PIEZO2: variants seen among roughly 807,000 people sequenced by gnomAD.
PIEZO2 encodes piezo type mechanosensitive ion channel component 2.
PIEZO2 carries 172 observed loss-of-function variants against 337.3 expected under a neutral mutation model. The observed-to-expected ratio is 0.51, with a 90% confidence interval of 0.45 to 0.58. The LOEUF is 0.58. Ranked by LOEUF, PIEZO2 falls within the 20% of genes least tolerant of loss-of-function variation. The pLI, the probability that PIEZO2 is intolerant of heterozygous loss-of-function variation, is 0.00. For missense variants in PIEZO2, 3,028 were observed against 3,391.3 expected, an observed-to-expected ratio of 0.89 and a Z score of 2.66; for synonymous variants, 1,251 against 1,228.5, an observed-to-expected ratio of 1.02 and a Z score of -0.38.
At chr18:11,141,074 C>CCTACATCTTGA (rs760218657) in intron 1 of PIEZO2, among the ~76,000 whole-genome samples, 18 of 152,190 alleles carry the variant, frequency 1.2e-4, no homozygotes. Flanking sequence ...GCTCCAATCA[C>CCTACATCTTGA]CTACATCTTG....
At position 10,682,388 on chromosome 18, in the gene PIEZO2, C is replaced by CTCTTCCTG; in HGVS notation, c.7498-97_7498-96insCAGGAAGA. On this transcript the variant is annotated intron_variant, in intron 49 of 55. Coordinates refer to ENST00000674853, the MANE Select transcript of PIEZO2 (RefSeq NM_001378183.1). The surrounding 1 kb of genome is among the most constrained non-coding windows in gnomAD (Gnocchi z 5.6). ...GAGAGCGAGTGCTCTTCCTGTGGTG[C>CTCTTCCTG]TGGGAACATGGATTTGGCCCTGAAT... 9.0e-7 allele frequency: 1 copy of CTCTTCCTG among 1,105,860 alleles called. No homozygotes were observed. Among genetic ancestry groups the CTCTTCCTG allele is most frequent in the Admixed American group, 2.6e-5 (1 of 38,042 alleles). The allele number at this position is 1,105,860 out of a possible 1,614,324, so 68.5% of individuals were successfully genotyped here.
At chr18:10,761,388 C>G in intron 23 of PIEZO2, among the ~76,000 whole-genome samples, 1 of 152,094 alleles carries the variant, frequency 6.6e-6, no homozygotes, top group East Asian at 1.9e-4. Flanking sequence ...CATCTCACAC[C>G]AAGGAAGCAA....
chr18:10,874,915 A>C (rs1403079532), intron 4 of PIEZO2, among the ~76,000 whole-genome samples: 1 of 152,192 alleles, frequency 6.6e-6, no homozygotes, highest in Non-Finnish European at 1.5e-5. Context: ...TAGGATGACT[A>C]TATTATTAAT....
chr18:11,100,689 G>C (rs545486849), intron 1 of PIEZO2, among the ~76,000 whole-genome samples: 48 of 152,172 alleles, frequency 3.2e-4, no homozygotes, highest in Non-Finnish European at 5.0e-4. Context: ...TCCGCCTCCC[G>C]GGTTCACGCC....
Position 10,841,216 on chromosome 18 carries a change from A to G in PIEZO2, c.917+14137T>C, listed in dbSNP as rs558193563. On this transcript the variant is annotated intron_variant, in intron 7 of 55. Transcript: ENST00000674853. Reference sequence around the variant, plus strand: ...GGCAATGGAGAGCTCAATCTTTGAGATATATCAGAGTAGATCTCAATCTTT... The same window carrying G: ...GGCAATGGAGAGCTCAATCTTTGAGGTATATCAGAGTAGATCTCAATCTTT... Among the ~76,000 whole-genome samples the G allele has an allele frequency of 6.6e-5, 10 of 152,290 alleles. No individual in the cohort carries two copies. In the East Asian group the frequency reaches 1.5e-3, roughly 24 times the overall value.
intron 4 of PIEZO2, among the ~76,000 whole-genome samples, chr18:10,904,695 AG>A (rs2043132521): frequency 6.6e-6 from 1 of 152,276 alleles, no homozygotes; most frequent in Non-Finnish European, 1.5e-5. Flanking sequence ...CCTGGATCCC[AG>A]GATGGAGCAG....
Position 10,814,124 on chromosome 18 carries a change from C to T in PIEZO2, c.918-6850G>A, listed in dbSNP as rs555318981. Among the ~76,000 whole-genome samples, 13 of 152,018 alleles carry T rather than the reference C, an allele frequency of 8.6e-5. No homozygotes were observed. In the South Asian group the frequency reaches 1.5e-3, roughly 17 times the overall value. On this transcript the variant is annotated intron_variant, in intron 7 of 55. Coordinates refer to ENST00000674853, the MANE Select transcript of PIEZO2 (RefSeq NM_001378183.1). ...CTGGGACTACAGGCGCCCACCACCA[C>T]GCCCAGCTAATTTTTTGTATTTTTT... is the stretch of plus-strand genomic sequence containing the variant.
intron 2 of PIEZO2, among the ~76,000 whole-genome samples, chr18:11,042,291 G>A (rs1048765559): frequency 6.6e-6 from 1 of 152,186 alleles, no homozygotes; most frequent in Non-Finnish European, 1.5e-5. Flanking sequence ...GCTATGAGGA[G>A]CCAGGAGCAG....
In PIEZO2 at chr18:10,704,426, G is replaced by A. The variant is rs771545517; in HGVS notation, c.6226C>T (p.Arg2076Trp). The change falls in exon 42 of 56, where the codon CGG (arginine) becomes TGG (tryptophan). Residue 2076 changes from arginine (R) to tryptophan (W), a missense_variant. Arg to Trp is a moderately radical substitution (Grantham distance 101). This residue lies in a region of PIEZO2 where 1,925 missense variants were observed against 2,051.9 expected (regional missense o/e 0.94). Transcript: ENST00000674853. ...TAGACGATGGCCATCATCCAGAACC[G>A]GCGGCTGGGCCTGGGGACGGACAAC... The part of the protein sequence containing the change: ...AMLSVPRPSR[R>W]FWMMAIVYTE... The A allele has an allele frequency of 6.6e-5, 102 of 1,537,080 alleles. No individual in the cohort carries two copies. Among genetic ancestry groups the A allele is most frequent in the East Asian group, 9.8e-5 (4 of 40,914 alleles).
chr18:11,039,274 T>A (rs1183490364), intron 2 of PIEZO2, among the ~76,000 whole-genome samples: 4 of 152,218 alleles, frequency 2.6e-5, no homozygotes, highest in Admixed American at 2.6e-4. Context: ...GCATTGACTT[T>A]AATTTTGCAG....
rs1435899114 is a variant in PIEZO2, at chr18:11,143,801, C to T, written c.64+4724G>A. Among the ~76,000 whole-genome samples, 2 of 152,204 alleles carry T rather than the reference C, an allele frequency of 1.3e-5. No homozygotes were observed. Among genetic ancestry groups the T allele is most frequent in the Non-Finnish European group, 1.5e-5 (1 of 68,036 alleles). Reference sequence around the variant, plus strand: ...CCTAGTCTGTTAATTTTGACTGAGACATCGCCTGAGCATTCTGCTCTCTGC... The same window carrying T: ...CCTAGTCTGTTAATTTTGACTGAGATATCGCCTGAGCATTCTGCTCTCTGC... On this transcript the variant is annotated intron_variant, in intron 1 of 55. Transcript: ENST00000674853. This position sits in a 1 kb window ranked among gnomAD's most constrained non-coding sequence, Gnocchi z 4.9.
chr18:10,741,729 A>G lies in PIEZO2; in HGVS notation c.4637-627T>C, dbSNP rs191268787. Reference sequence around the variant, plus strand: ...GTAAGTTTCATTTGAGCAGGCAACGATTGAATGATATTTTAGGTACCAATG... The same window carrying G: ...GTAAGTTTCATTTGAGCAGGCAACGGTTGAATGATATTTTAGGTACCAATG... On this transcript the variant is annotated intron_variant, in intron 32 of 55. Transcript: ENST00000674853. 3.3e-3 allele frequency among the ~76,000 whole-genome samples: 501 copies of G among 152,352 alleles called. 1 individual carries two copies. Among genetic ancestry groups the G allele is most frequent in the Non-Finnish European group, 5.4e-3 (366 of 68,032 alleles).
intron 1 of PIEZO2, among the ~76,000 whole-genome samples, chr18:11,074,332 T>C (rs2038453383): frequency 6.6e-6 from 1 of 152,222 alleles, no homozygotes; most frequent in Non-Finnish European, 1.5e-5. Context: ...AATGTTACCG[T>C]TGACAGAACA....
intron 36 of PIEZO2, among the ~76,000 whole-genome samples, chr18:10,719,035 A>C (rs1378079400): frequency 4.0e-5 from 6 of 151,574 alleles, no homozygotes; most frequent in Non-Finnish European, 1.5e-5. Flanking sequence ...ATTTGCTATG[A>C]GGTTCTTTAT....
In PIEZO2 at chr18:10,672,181, C is replaced by T. The variant is rs1381805828; in HGVS notation, c.8346-402G>A. On this transcript the variant is annotated intron_variant, in intron 55 of 55. Transcript: ENST00000674853. The surrounding 1 kb of genome is among the most constrained non-coding windows in gnomAD (Gnocchi z 4.7). ...TCCTTTCCTTTTAGCAATACTGTCT[C>T]TCAGATTAATTTTTATAAAATTCTG... is the stretch of plus-strand genomic sequence containing the variant. Among the ~76,000 whole-genome samples the T allele has an allele frequency of 2.6e-5, 4 of 152,132 alleles. No individual in the cohort carries two copies. Among genetic ancestry groups the T allele is most frequent in the Admixed American group, 6.5e-5 (1 of 15,276 alleles).
rs875957 is a variant in PIEZO2 at position 10,697,710 on chromosome 18, C to A, written c.6827+38G>T. 0.05 allele frequency: 80,290 copies of A among 1,601,892 alleles called. 5,788 individuals are homozygous for A. The highest frequency in any genetic ancestry group is 0.26 in the African/African-American group (19,253 of 74,068). ...GGAAATAATAAAGCCCAAAACCCTA[C>A]AATAAAGCACACATGCCATATGTTC... is the stretch of plus-strand genomic sequence containing the variant. On this transcript the variant is annotated intron_variant, in intron 45 of 55. Coordinates refer to ENST00000674853, the MANE Select transcript of PIEZO2 (RefSeq NM_001378183.1).
Position 11,010,909 on chromosome 18 carries a change from A to C in PIEZO2, c.161-31249T>G, listed in dbSNP as rs573689314. Among the ~76,000 whole-genome samples the C allele has an allele frequency of 4.6e-5, 7 of 152,358 alleles. No individual in the cohort carries two copies. In the South Asian group the frequency reaches 1.0e-3, roughly 23 times the overall value. On this transcript the variant is annotated intron_variant, in intron 2 of 55. Coordinates refer to ENST00000674853, the MANE Select transcript of PIEZO2 (RefSeq NM_001378183.1). ...TAGTGTATGCTTAACTTTCTAATGA[A>C]TCTACTGCCTTTCAGCTTCCTTGCT...
In PIEZO2 at chr18:11,024,858, C is replaced by G. The variant is rs1367447548; in HGVS notation, c.160+41269G>C. Among the ~76,000 whole-genome samples the G allele has an allele frequency of 4.0e-5, 6 of 151,532 alleles. No individual in the cohort carries two copies. The East Asian group carries it at 1.2e-3, about 30-fold the overall frequency. On this transcript the variant is annotated intron_variant, in intron 2 of 55. Transcript: ENST00000674853. ...TTCACCATGTTGACCAGGGGGGTCT[C>G]GAACTCCTGATCTTAGGTGATCTGC...
chr18:10,693,995 C>G (rs1477774349), intron 47 of PIEZO2, among the ~76,000 whole-genome samples: 1 of 152,042 alleles, frequency 6.6e-6, no homozygotes, highest in Non-Finnish European at 1.5e-5. Context: ...ATTATTATAG[C>G]CTGGGCTATA....
Sources: allele counts gnomAD v4.1 joint callset (sites outside exome capture counted in the v4.1 genomes callset), GRCh38; gene constraint gnomAD v4.1.1; regional missense constraint gnomAD v4.1.1; non-coding constraint Gnocchi (gnomAD v3.1); transcripts MANE v1.5; gene names NCBI Gene and HGNC (gene_info 2026-07-23, HGNC 2026-07-21).